TNN: variants seen among roughly 807,000 people sequenced by gnomAD.
The protein encoded by TNN is tenascin-N.
A neutral mutation model predicts 134.4 loss-of-function variants in TNN; 122 were observed. That is an observed-to-expected ratio of 0.91 (90% CI 0.78 to 1.06). The LOEUF is 1.06. Among genes scored for constraint, TNN ranks in the 50% least tolerant of loss-of-function variants. The pLI is 0.00. For missense variants in TNN, 1,739 were observed against 1,699.4 expected, an observed-to-expected ratio of 1.02 and a Z score of -0.41; for synonymous variants, 710 against 670.3, an observed-to-expected ratio of 1.06 and a Z score of -0.91.
chr1:175,103,445 G>T (rs983151764), intron 9 of TNN, among the ~76,000 whole-genome samples: 7 of 146,024 alleles, frequency 4.8e-5, no homozygotes, highest in Admixed American at 1.4e-4. Context: ...AGTAAGGATA[G>T]ATTTCATTAT....
At chr1:175,076,023 A>G (rs1674030806) in intron 1 of TNN, among the ~76,000 whole-genome samples, 1 of 152,208 alleles carries the variant, frequency 6.6e-6, no homozygotes, top group African/African-American at 2.4e-5. Flanking sequence ...TTTCTAGATA[A>G]CTGCTGCTAT....
intron 1 of TNN, among the ~76,000 whole-genome samples, chr1:175,070,490 A>T (rs556559635): frequency 1.4e-4 from 22 of 152,142 alleles, no homozygotes; most frequent in Non-Finnish European, 2.8e-4. Flanking sequence ...ATCTCCAAGG[A>T]CTTCCTGGAC....
chr1:175,136,070 T>TGCC, intron 16 of TNN, 129 bp downstream of exon 16: 1 of 678,760 alleles, frequency 1.5e-6, no homozygotes, highest in South Asian at 1.7e-5. Context: ...CAGAGGACTG[T>TGCC]GCCGAGCAGG....
At chr1:175,145,570 A>AAAAAAAAC (rs1676044531) in intron 18 of TNN, among the ~76,000 whole-genome samples, 1 of 149,042 alleles carries the variant, frequency 6.7e-6, no homozygotes, top group African/African-American at 2.5e-5. Context: ...AAAAAAAAAA[A>AAAAAAAAC]AAAAAGCTGT....
intron 9 of TNN, among the ~76,000 whole-genome samples, chr1:175,107,871 AGT>A (rs2149435996): frequency 7.2e-6 from 1 of 139,384 alleles, no homozygotes; most frequent in South Asian, 2.5e-4. Flanking sequence ...CTAGATACAG[AGT>A]GTCGATTGGT....
At chr1:175,121,351 G>A (rs1323665254) in intron 11 of TNN, among the ~76,000 whole-genome samples, 1 of 152,206 alleles carries the variant, frequency 6.6e-6, no homozygotes, top group Admixed American at 6.5e-5. Context: ...TGGGATGGTT[G>A]GAGAATGAAA....
At chr1:175,089,365 C>T (rs1456362364) in intron 6 of TNN, among the ~76,000 whole-genome samples, 2 of 152,196 alleles carry the variant, frequency 1.3e-5, no homozygotes, top group African/African-American at 2.4e-5. Flanking sequence ...ATTCCTCACC[C>T]TGTTACCCAA....
At chr1:175,145,344 G>A (rs574006390) in intron 18 of TNN, among the ~76,000 whole-genome samples, 45 of 151,892 alleles carry the variant, frequency 3.0e-4, no homozygotes, top group African/African-American at 9.9e-4. Context: ...CTCGTGCCCA[G>A]GAATTTGAGA....
chr1:175,130,249 C>T (rs1274511192), intron 15 of TNN, among the ~76,000 whole-genome samples: 3 of 152,176 alleles, frequency 2.0e-5, no homozygotes, highest in African/African-American at 7.2e-5. Context: ...CACTCAGGGG[C>T]CTGGGAAACC....
intron 1 of TNN, among the ~76,000 whole-genome samples, chr1:175,077,113 C>A (rs1674059417): frequency 6.6e-6 from 1 of 152,106 alleles, no homozygotes. Flanking sequence ...AGCTGCTCTT[C>A]TTATTATTAA....
chr1:175,140,230 T>C lies in TNN; in HGVS notation c.3595+3242T>C, dbSNP rs182076044. Among the ~76,000 whole-genome samples, 451 of 152,378 alleles carry C rather than the reference T, an allele frequency of 3.0e-3. 2 individuals are homozygous for C. The highest frequency in any genetic ancestry group is 4.8e-3 in the Non-Finnish European group (329 of 68,038). On this transcript the variant is annotated intron_variant, in intron 17 of 18. Coordinates refer to ENST00000239462, the MANE Select transcript of TNN (RefSeq NM_022093.2). Reference sequence around the variant, plus strand: ...AGTCCACATGGAGTCCATCTGATCATTTCTTTGGTTTCCAGTACCCTGTTG... The same window carrying C: ...AGTCCACATGGAGTCCATCTGATCACTTCTTTGGTTTCCAGTACCCTGTTG...
At chr1:175,091,559 T>TATA (rs1558353471) in intron 6 of TNN, among the ~76,000 whole-genome samples, 1 of 141,688 alleles carries the variant, frequency 7.1e-6, no homozygotes, top group Admixed American at 7.0e-5. Context: ...TATTTATTAT[T>TATA]TTTATTTATT....
At chr1:175,123,109 A>G (rs1675419343) in intron 11 of TNN, among the ~76,000 whole-genome samples, 1 of 152,198 alleles carries the variant, frequency 6.6e-6, no homozygotes, top group Non-Finnish European at 1.5e-5. Flanking sequence ...TATCCACAGC[A>G]GTTTTGGTGG....
intron 11 of TNN, 105 bp from the exon 12 acceptor site, chr1:175,123,295 C>A: frequency 7.6e-7 from 1 of 1,321,166 alleles, no homozygotes; most frequent in Admixed American, 2.2e-5. Flanking sequence ...TGGAATTCTA[C>A]CATTATTAAT....
rs920965758 is a variant in TNN, at chr1:175,104,235, C to T, written c.2119+5640C>T. On this transcript the variant is annotated intron_variant, in intron 9 of 18. Transcript: ENST00000239462. ...CAGGAGATTAACACTGAGAAGGCCG[C>T]GCCAGTATCCAGGAGGAAGTCAATT... 6.2e-5 allele frequency among the ~76,000 whole-genome samples: 9 copies of T among 145,366 alleles called. 1 individual carries two copies. The highest frequency in any genetic ancestry group is 9.9e-5 in the African/African-American group (4 of 40,382).
chr1:175,086,570 T>C (rs1226106449), intron 6 of TNN, among the ~76,000 whole-genome samples: 4 of 152,218 alleles, frequency 2.6e-5, no homozygotes, highest in African/African-American at 9.6e-5. Context: ...TTTTGAGTCT[T>C]CGTTGAAAAG....
At chr1:175,105,672 A>G (rs931960871) in intron 9 of TNN, among the ~76,000 whole-genome samples, 2 of 145,592 alleles carry the variant, frequency 1.4e-5, no homozygotes, top group African/African-American at 4.9e-5. Context: ...GAAAGAGAAT[A>G]TTGGGGCCAA....
chr1:175,093,983 T>G lies in TNN; in HGVS notation c.1325-7T>G. On this transcript the variant is annotated splice_region_variant and splice_polypyrimidine_tract_variant and intron_variant, in intron 6 of 18. Coordinates refer to ENST00000239462, the MANE Select transcript of TNN (RefSeq NM_022093.2). ...CTGATTTTTCTTTCTCATGTGTTTT[T>G]ATGAAGAAATTGACAGTCCAACCAA... is the stretch of plus-strand genomic sequence containing the variant. 1 of 1,583,092 alleles carries G rather than the reference T, an allele frequency of 6.3e-7. No homozygotes were observed. Among genetic ancestry groups the G allele is most frequent in the Non-Finnish European group, 8.6e-7 (1 of 1,157,064 alleles).
intron 4 of TNN, 50 bp from the exon 5 acceptor site, chr1:175,083,700 G>A: frequency 6.4e-7 from 1 of 1,572,876 alleles, no homozygotes; most frequent in African/African-American, 1.3e-5. Flanking sequence ...CAGAACCTTG[G>A]AACCTCTGCT....
Sources: gnomAD v4.1 joint callset for allele counts (sites outside exome capture counted in the v4.1 genomes callset) on GRCh38, gnomAD v4.1.1 for gene constraint, MANE v1.5 for transcripts, NCBI Gene and HGNC (gene_info 2026-07-23, HGNC 2026-07-21) for gene names.